GMDS: variants seen among roughly 807,000 people sequenced by gnomAD.
GMDS encodes the protein GDP-mannose 4,6 dehydratase.
In GMDS, 20 loss-of-function variants were observed where a neutral mutation model predicts 49.9. That is an observed-to-expected ratio of 0.40 (90% CI 0.28 to 0.58). The LOEUF is 0.58. Ranked by LOEUF, GMDS falls within the 20% of genes least tolerant of loss-of-function variation. The probability of loss-of-function intolerance (pLI) is 0.42; values close to 1 mark genes in which losing one functional copy is unlikely to be tolerated. For missense variants in GMDS, 362 were observed against 481.4 expected, an observed-to-expected ratio of 0.75 and a Z score of 2.32; for synonymous variants, 177 against 178.6, an observed-to-expected ratio of 0.99 and a Z score of 0.07.
chr6:1,918,799 T>C (rs1458225872), intron 7 of GMDS, among the ~76,000 whole-genome samples: 1 of 152,098 alleles, frequency 6.6e-6, no homozygotes, highest in Non-Finnish European at 1.5e-5. Context: ...TAAAGTCTAA[T>C]AATAGTAGAA....
intron 9 of GMDS, among the ~76,000 whole-genome samples, chr6:1,679,021 A>C (rs1331433591): frequency 6.6e-6 from 1 of 152,218 alleles, no homozygotes; most frequent in Non-Finnish European, 1.5e-5. Context: ...CACTAGACAA[A>C]ACTGCTTCTC....
At chr6:1,921,740 G>C (rs1291680873) in intron 7 of GMDS, among the ~76,000 whole-genome samples, 1 of 152,018 alleles carries the variant, frequency 6.6e-6, no homozygotes, top group African/African-American at 2.4e-5. Context: ...TTTCTTAAAT[G>C]TTTGGTTTGT....
chr6:2,016,685 G>A (rs539920174), intron 4 of GMDS, among the ~76,000 whole-genome samples: 1 of 152,146 alleles, frequency 6.6e-6, no homozygotes, highest in South Asian at 2.1e-4. Context: ...CCAAAACCAT[G>A]TTTCCACAAA....
At chr6:1,892,782 C>T (rs1385323503) in intron 7 of GMDS, among the ~76,000 whole-genome samples, 1 of 152,196 alleles carries the variant, frequency 6.6e-6, no homozygotes, top group African/African-American at 2.4e-5. Context: ...GGTGTTACCA[C>T]TTTTTACCCC....
At chr6:2,167,583 A>G (rs536183801) in intron 1 of GMDS, among the ~76,000 whole-genome samples, 127 of 152,282 alleles carry the variant, frequency 8.3e-4, no homozygotes, top group Non-Finnish European at 1.4e-3. Context: ...CAGAAGACAT[A>G]CGATGCCCTT....
At chr6:1,756,673 G>C (rs1312392710) in intron 7 of GMDS, among the ~76,000 whole-genome samples, 1 of 152,230 alleles carries the variant, frequency 6.6e-6, no homozygotes, top group African/African-American at 2.4e-5. Context: ...AAGGCGGACT[G>C]ACTGGGGCAG....
intron 4 of GMDS, among the ~76,000 whole-genome samples, chr6:2,057,883 TTTTCA>T (rs963272750): frequency 1.2e-4 from 19 of 152,160 alleles, no homozygotes; most frequent in African/African-American, 4.3e-4. Flanking sequence ...AGGGCTAAAT[TTTTCA>T]TTTCATTTGG....
intron 1 of GMDS, among the ~76,000 whole-genome samples, chr6:2,187,058 T>C (rs1176478078): frequency 2.6e-5 from 4 of 152,234 alleles, no homozygotes; most frequent in Non-Finnish European, 5.9e-5. Flanking sequence ...TTCCTCTATA[T>C]TGTGTATATT....
chr6:2,230,359 C>T (rs938165210), intron 1 of GMDS, among the ~76,000 whole-genome samples: 1 of 152,204 alleles, frequency 6.6e-6, no homozygotes, highest in Non-Finnish European at 1.5e-5. Flanking sequence ...TAAGTGATCT[C>T]CATTCTTCAA....
At chr6:1,812,206 A>T (rs1561819686) in intron 7 of GMDS, among the ~76,000 whole-genome samples, 2 of 152,188 alleles carry the variant, frequency 1.3e-5, no homozygotes, top group Admixed American at 1.3e-4. Flanking sequence ...GGAGCTCACA[A>T]GCCAGGGAGA....
At chr6:1,862,657 T>C (rs1344136230) in intron 7 of GMDS, among the ~76,000 whole-genome samples, 1 of 152,258 alleles carries the variant, frequency 6.6e-6, no homozygotes, top group Non-Finnish European at 1.5e-5. Context: ...CATTCAGCAA[T>C]ATCCTGGAAT....
At chr6:1,796,938 T>C (rs529775843) in intron 7 of GMDS, among the ~76,000 whole-genome samples, 1 of 152,296 alleles carries the variant, frequency 6.6e-6, no homozygotes, top group Admixed American at 6.5e-5. Flanking sequence ...GGCTCAAAAA[T>C]GTAGGAAGAA....
At chr6:1,658,878 A>G (rs1384731108) in intron 9 of GMDS, among the ~76,000 whole-genome samples, 1 of 152,238 alleles carries the variant, frequency 6.6e-6, no homozygotes, top group African/African-American at 2.4e-5. Flanking sequence ...GCTTAGAGAA[A>G]AGAGACGTCC....
At chr6:1,765,560 T>C (rs143063515) in intron 7 of GMDS, among the ~76,000 whole-genome samples, 220 of 152,294 alleles carry the variant, frequency 1.4e-3, no homozygotes, top group African/African-American at 5.1e-3. Context: ...ATAAATAACA[T>C]TCATTTCATT....
At chr6:2,193,371 C>T (rs1779135912) in intron 1 of GMDS, among the ~76,000 whole-genome samples, 1 of 152,224 alleles carries the variant, frequency 6.6e-6, no homozygotes, top group African/African-American at 2.4e-5. Flanking sequence ...ATGACACCAA[C>T]AGCACACCAC....
At chr6:2,006,698 C>T (rs1188128842) in intron 4 of GMDS, among the ~76,000 whole-genome samples, 1 of 152,134 alleles carries the variant, frequency 6.6e-6, no homozygotes, top group Non-Finnish European at 1.5e-5. Flanking sequence ...TAATTTCTAC[C>T]ACCTTTTCCA....
intron 9 of GMDS, among the ~76,000 whole-genome samples, chr6:1,697,064 C>T (rs1218042413): frequency 6.6e-6 from 1 of 152,194 alleles, no homozygotes; most frequent in African/African-American, 2.4e-5. Flanking sequence ...ACCGTAGGAG[C>T]CCAACAGCCC....
chr6:2,110,025 A>G (rs573368725), intron 4 of GMDS, among the ~76,000 whole-genome samples: 83 of 152,310 alleles, frequency 5.4e-4, no homozygotes, highest in African/African-American at 1.9e-3. Flanking sequence ...ACACAGAAGA[A>G]CAGTCCCTCT....
At chr6:1,747,543 G>C (rs73716370) in intron 7 of GMDS, among the ~76,000 whole-genome samples, 3,934 of 152,044 alleles carry the variant, frequency 0.026, 175 homozygotes, top group African/African-American at 0.09. Flanking sequence ...GGGAGAACAT[G>C]TATGAAATAA....
Sources: allele counts gnomAD v4.1 joint callset (sites outside exome capture counted in the v4.1 genomes callset), GRCh38; gene constraint gnomAD v4.1.1; transcripts MANE v1.5; gene names NCBI Gene and HGNC (gene_info 2026-07-23, HGNC 2026-07-21).